The following PYROXD1 variants were observed in gnomAD, a reference collection of about 807,000 sequenced individuals.
PYROXD1 encodes the protein pyridine nucleotide-disulphide oxidoreductase domain 1.
A neutral mutation model predicts 62.0 loss-of-function variants in PYROXD1; 42 were observed. The observed-to-expected ratio is 0.68, with a 90% CI of 0.53 to 0.88. The LOEUF (loss-of-function observed/expected upper bound fraction) is 0.88, where lower values mean the gene tolerates loss of function less well. PYROXD1 is among the 40% of genes least tolerant of loss of function. The pLI, the probability that PYROXD1 is intolerant of heterozygous loss-of-function variation, is 0.00. For synonymous variants in PYROXD1, 170 were observed against 206.4 expected (o/e 0.82, Z 1.51); for missense variants, 493 against 604.8 (o/e 0.82, Z 1.94).
chr12:21,453,351 C>T (rs998971576), intron 5 of PYROXD1, among the ~76,000 whole-genome samples: 4 of 151,864 alleles, frequency 2.6e-5, no homozygotes, highest in Non-Finnish European at 5.9e-5. Flanking sequence ...AAAAATGGAC[C>T]CACATAATGT....
In PYROXD1 at chr12:21,452,063, ATTTTC is replaced by A; in HGVS notation, c.415-13_415-9del. The stretch of plus-strand genomic sequence containing the variant: ...CACTATTACAAAATACTACCTCATT[ATTTTC>A]TTTTTAACATAGGAATTTCAGAAAC... On this transcript the variant is annotated splice_polypyrimidine_tract_variant and intron_variant, in intron 4 of 11. Coordinates refer to ENST00000240651, the MANE Select transcript of PYROXD1 (RefSeq NM_024854.5). 1 of 1,477,438 alleles carries A rather than the reference ATTTTC, an allele frequency of 6.8e-7. No homozygotes were observed. 91.5% of individuals were successfully genotyped at this position (1,477,438 alleles called of 1,614,324 possible).
intron 5 of PYROXD1, among the ~76,000 whole-genome samples, chr12:21,452,928 CTT>C (rs968947360): frequency 2.0e-5 from 3 of 152,072 alleles, no homozygotes; most frequent in African/African-American, 7.2e-5. Flanking sequence ...TTTTGCCCCT[CTT>C]TTAGCGGATG....
chr12:21,441,118 G>C (rs1942285484), intron 2 of PYROXD1: 2 of 152,196 alleles, frequency 1.3e-5, no homozygotes, highest in Admixed American at 6.5e-5. Context: ...CGCCTCCTGG[G>C]TTCACGCCAT....
At chr12:21,460,526 C>T (rs1025241214) in intron 7 of PYROXD1, among the ~76,000 whole-genome samples, 21 of 151,612 alleles carry the variant, frequency 1.4e-4, no homozygotes, top group Admixed American at 1.1e-3. Context: ...CGGGTTCAAG[C>T]GAGTCTCCTG....
intron 3 of PYROXD1, among the ~76,000 whole-genome samples, chr12:21,448,941 C>G (rs763018732): frequency 1.7e-4 from 26 of 151,904 alleles, no homozygotes; most frequent in Non-Finnish European, 3.8e-4. Flanking sequence ...AAAATATACC[C>G]CAAAAGCATT....
intron 7 of PYROXD1, among the ~76,000 whole-genome samples, chr12:21,457,889 C>T (rs181562487): frequency 1.6e-5 from 2 of 127,936 alleles, no homozygotes; most frequent in Admixed American, 1.6e-4. Flanking sequence ...GAGAACCAGG[C>T]CCAAACCATA....
intron 1 of PYROXD1, among the ~76,000 whole-genome samples, chr12:21,438,724 T>C (rs1942240749): frequency 6.6e-6 from 1 of 152,182 alleles, no homozygotes; most frequent in Non-Finnish European, 1.5e-5. Context: ...TTTGTTGATA[T>C]AAAGTAAACA....
Position 21,450,947 on chromosome 12 carries a change from A to C in PYROXD1, c.415-1134A>C, listed in dbSNP as rs371090474. 5.3e-5 allele frequency among the ~76,000 whole-genome samples: 8 copies of C among 152,326 alleles called. No individual in the cohort carries two copies. In the East Asian group the frequency reaches 1.2e-3, roughly 22 times the overall value. On this transcript the variant is annotated intron_variant, in intron 4 of 11. Coordinates refer to ENST00000240651, the MANE Select transcript of PYROXD1 (RefSeq NM_024854.5). The stretch of plus-strand genomic sequence containing the variant: ...TGTATCTATACTAATTTAGCTGTTA[A>C]GTCTATCAGATACACAATTTAAACT...
At position 21,468,431 on chromosome 12, in the gene PYROXD1, C is replaced by T. The variant is rs116232125; in HGVS notation, c.1255-75C>T. On this transcript the variant is annotated intron_variant, in intron 11 of 11. Coordinates refer to ENST00000240651, the MANE Select transcript of PYROXD1 (RefSeq NM_024854.5). ...CATAAGTTTTCTGCGGCTATTCAAA[C>T]TTGACACAAAATAACTACCCATTAC... 9.0e-3 allele frequency: 12,433 copies of T among 1,387,406 alleles called. 824 individuals are homozygous for T. In the African/African-American group the frequency reaches 0.15, roughly 17 times the overall value. The allele number at this position is 1,387,406 out of a possible 1,614,324, so 85.9% of individuals were successfully genotyped here. A position where few individuals can be genotyped will look rare whatever the true frequency, so the allele number is the denominator to read the frequency against.
chr12:21,464,530 A>G (rs1942756238), intron 10 of PYROXD1, among the ~76,000 whole-genome samples: 1 of 152,172 alleles, frequency 6.6e-6, no homozygotes, highest in African/African-American at 2.4e-5. Context: ...AGACAGCATT[A>G]AGTACATATG....
chr12:21,443,340 A>G (rs1053047263), intron 2 of PYROXD1, among the ~76,000 whole-genome samples: 36 of 152,276 alleles, frequency 2.4e-4, no homozygotes, highest in Admixed American at 2.1e-3. Flanking sequence ...TTTATTATCA[A>G]TATGGGTAGG....
At chr12:21,463,404 A>G (rs562272323) in intron 10 of PYROXD1, among the ~76,000 whole-genome samples, 5 of 152,298 alleles carry the variant, frequency 3.3e-5, no homozygotes, top group African/African-American at 1.2e-4. Flanking sequence ...TTACTAAAAA[A>G]TGTTCTGGGC....
intron 3 of PYROXD1, 21 bp from the exon 4 acceptor site, chr12:21,449,542 C>T: frequency 6.3e-7 from 1 of 1,590,202 alleles, no homozygotes; most frequent in Non-Finnish European, 8.5e-7. Flanking sequence ...CCTTTTCTTT[C>T]ATTGTTTGAT....
At chr12:21,449,815 T>A in intron 4 of PYROXD1, 124 bp downstream of exon 4, 1 of 716,728 alleles carries the variant, frequency 1.4e-6, no homozygotes, top group Non-Finnish European at 2.3e-6. Flanking sequence ...TCATGACCAG[T>A]AAACCACAGA....
intron 1 of PYROXD1, among the ~76,000 whole-genome samples, chr12:21,439,899 CAGAGCACCTGGGGAAAGTT>C (rs1315532023): frequency 6.6e-6 from 1 of 152,146 alleles, no homozygotes; most frequent in Non-Finnish European, 1.5e-5. Context: ...ATAGGAGTGC[CAGAGCACCTGGGGAAAGTT>C]AGACCAATAT....
At position 21,469,141 on chromosome 12, in the gene PYROXD1, T is replaced by A. The variant is rs1942862775; in HGVS notation, c.*387T>A. 6.1e-6 allele frequency: 1 copy of A among 164,526 alleles called. No individual in the cohort carries two copies. The highest frequency in any genetic ancestry group is 6.0e-5 in the Admixed American group (1 of 16,566). The allele number at this position is 164,526 out of a possible 1,614,324, so 10.2% of individuals were successfully genotyped here. ...AAAATATGGCTATGGTTTCAGGAAC[T>A]TTAAAATCGGTTGTATTTTACTTTA... On this transcript the variant is annotated 3_prime_UTR_variant, in exon 12 of 12. Transcript: ENST00000240651.
In PYROXD1 at chr12:21,468,582, G is replaced by A. The variant is rs547924712; in HGVS notation, c.1331G>A (p.Arg444Gln). 5.6e-6 allele frequency: 9 copies of A among 1,612,956 alleles called. No homozygotes were observed. Among genetic ancestry groups the A allele is most frequent in the South Asian group, 2.2e-5 (2 of 91,042 alleles). ...HELMLRCTKGREYIKVVMQNG... is the reference protein window; with the variant it reads ...HELMLRCTKGQEYIKVVMQNG... ...TTAATGCTGAGATGTACCAAAGGAC[G>A]AGAATACATCAAAGTCGTCATGCAA... Residue 444 changes from arginine (R) to glutamine (Q), a missense_variant, in exon 12 of 12, where the codon CGA becomes CAA. Arg to Gln is a conservative substitution (Grantham distance 43, BLOSUM62 1). Transcript: ENST00000240651.
In PYROXD1 at chr12:21,470,266, C is replaced by T. The variant is rs1401855078; in HGVS notation, c.*1512C>T. ...CAGATTGCTGAAGCATGTTTGCAGC[C>T]TTCTTCTGGAAGTTGCCTGAATTTT... is the stretch of plus-strand genomic sequence containing the variant. On this transcript the variant is annotated 3_prime_UTR_variant, in exon 12 of 12. Transcript: ENST00000240651. The T allele has an allele frequency of 2.5e-6, 4 of 1,607,556 alleles. No individual in the cohort carries two copies. The South Asian group carries it at 4.4e-5, about 18-fold the overall frequency.
intron 5 of PYROXD1, among the ~76,000 whole-genome samples, chr12:21,454,540 G>A (rs1390700291): frequency 6.6e-6 from 1 of 151,950 alleles, no homozygotes; most frequent in Non-Finnish European, 1.5e-5. Context: ...CCTTACATTA[G>A]TGGTAAATAG....
Sources: allele counts gnomAD v4.1 joint callset (sites outside exome capture counted in the v4.1 genomes callset), GRCh38; gene constraint gnomAD v4.1.1; transcripts MANE v1.5; gene names NCBI Gene and HGNC (gene_info 2026-07-23, HGNC 2026-07-21).